BMP2K: variants seen among roughly 807,000 people sequenced by gnomAD.
BMP2K encodes the protein BMP2 inducible kinase, also known as BMP-2-inducible protein kinase.
A neutral mutation model predicts 116.0 loss-of-function variants in BMP2K; 74 were observed. The observed-to-expected ratio is 0.64, with a 90% CI of 0.53 to 0.77. BMP2K has a LOEUF of 0.77. Among genes scored for constraint, BMP2K ranks in the 30% least tolerant of loss-of-function variants. BMP2K has a pLI of 0.00. For synonymous variants in BMP2K, 486 were observed against 502.5 expected (o/e 0.97, Z 0.44); for missense variants, 1,365 against 1,403.6 (o/e 0.97, Z 0.44).
chr4:78,838,054 C>G (rs145975096), intron 3 of BMP2K, among the ~76,000 whole-genome samples: 8 of 152,328 alleles, frequency 5.3e-5, no homozygotes, highest in Non-Finnish European at 1.0e-4. Context: ...TTTAATTGGA[C>G]TTACAGTTCC....
At chr4:78,812,003 C>T (rs1171512824) in intron 1 of BMP2K, among the ~76,000 whole-genome samples, 3 of 152,058 alleles carry the variant, frequency 2.0e-5, no homozygotes, top group South Asian at 2.1e-4. Flanking sequence ...GACAGAGTCT[C>T]GCTCTTATCA....
intron 15 of BMP2K, among the ~76,000 whole-genome samples, chr4:78,891,144 T>C (rs1733416445): frequency 1.3e-5 from 2 of 152,212 alleles, no homozygotes; most frequent in Admixed American, 1.3e-4. Flanking sequence ...GATATAATTT[T>C]CCCTGTGAGT....
intron 1 of BMP2K, among the ~76,000 whole-genome samples, chr4:78,791,380 CA>C (rs1408083715): frequency 1.3e-5 from 2 of 152,172 alleles, no homozygotes; most frequent in East Asian, 3.8e-4. Flanking sequence ...TAACACTAAT[CA>C]AGGGTAGTGA....
intron 2 of BMP2K, among the ~76,000 whole-genome samples, chr4:78,828,874 G>C (rs1730010750): frequency 6.6e-6 from 1 of 152,234 alleles, no homozygotes. Context: ...GCTGCTGACT[G>C]ATCAGGGTAG....
At chr4:78,819,282 T>C (rs1729505410) in intron 1 of BMP2K, among the ~76,000 whole-genome samples, 1 of 152,128 alleles carries the variant, frequency 6.6e-6, no homozygotes, top group Non-Finnish European at 1.5e-5. Flanking sequence ...ATTACAGGTG[T>C]GATCTTAGGC....
chr4:78,911,099 C>T lies in BMP2K; in HGVS notation c.2552C>T (p.Pro851Leu). Residue 851 changes from proline (P) to leucine (L), a missense_variant, in exon 16 of 16, where the codon CCC becomes CTC. Pro to Leu is a moderately conservative substitution (Grantham distance 98). Around this residue, in one of 3 missense-constraint regions of BMP2K, gnomAD observed 596 missense variants for 623.2 expected, o/e 0.96. Coordinates refer to ENST00000502613, the MANE Select transcript of BMP2K (RefSeq NM_198892.2). Reference sequence around the variant, plus strand: ...TCCTCTGATGTTGCAGTGGAGACTCCCAAACAGGAGTTTGATGTATTTGGC... The same window carrying T: ...TCCTCTGATGTTGCAGTGGAGACTCTCAAACAGGAGTTTGATGTATTTGGC... ...QLSSDVAVET[P>L]KQEFDVFGAV... is the part of the protein sequence containing the mutation. The T allele has an allele frequency of 6.2e-7, 1 of 1,613,938 alleles. No homozygotes were observed. The highest frequency in any genetic ancestry group is 8.5e-7 in the Non-Finnish European group (1 of 1,179,876).
In BMP2K at chr4:78,805,614, C is replaced by T. The variant is rs1728778211; in HGVS notation, c.179-20423C>T. On this transcript the variant is annotated intron_variant, in intron 1 of 15. Coordinates refer to ENST00000502613, the MANE Select transcript of BMP2K (RefSeq NM_198892.2). ...ACTAAATATTTTATTATTTCTGATA[C>T]CTTTGTCAATAGAAGTGTTTTCTTA... is the stretch of plus-strand genomic sequence containing the variant. Among the ~76,000 whole-genome samples the T allele has an allele frequency of 2.0e-5, 3 of 152,170 alleles. No individual in the cohort carries two copies. The South Asian group carries it at 6.2e-4, about 32-fold the overall frequency.
intron 10 of BMP2K, among the ~76,000 whole-genome samples, chr4:78,868,218 T>C (rs1244696340): frequency 6.6e-6 from 1 of 152,104 alleles, no homozygotes; most frequent in Non-Finnish European, 1.5e-5. Flanking sequence ...CTCAGAATCA[T>C]GGCGGGTGGT....
intron 15 of BMP2K, among the ~76,000 whole-genome samples, chr4:78,890,465 T>C (rs1260140608): frequency 6.6e-6 from 1 of 151,840 alleles, no homozygotes; most frequent in East Asian, 1.9e-4. Context: ...TTTGACACAG[T>C]TTTTGGTTGA....
chr4:78,786,956 G>A (rs1041453123), intron 1 of BMP2K, among the ~76,000 whole-genome samples: 7 of 151,744 alleles, frequency 4.6e-5, no homozygotes, highest in Admixed American at 6.6e-5. Context: ...ATCTTGTTAC[G>A]TTATCCAGGC....
intron 1 of BMP2K, among the ~76,000 whole-genome samples, chr4:78,803,417 T>A (rs1252592859): frequency 6.6e-6 from 1 of 151,858 alleles, no homozygotes; most frequent in African/African-American, 2.4e-5. Context: ...TTGGGGGGGA[T>A]CAGAGTCTTG....
chr4:78,782,230 A>G (rs535198325), intron 1 of BMP2K, among the ~76,000 whole-genome samples: 5 of 152,092 alleles, frequency 3.3e-5, no homozygotes, highest in East Asian at 3.9e-4. Flanking sequence ...ACTTGTAACT[A>G]TTTGCTTTTT....
intron 1 of BMP2K, among the ~76,000 whole-genome samples, chr4:78,787,451 G>T (rs1727782337): frequency 6.6e-6 from 1 of 152,148 alleles, no homozygotes; most frequent in African/African-American, 2.4e-5. Context: ...AAATGTTCTA[G>T]CCTGAATTCC....
intron 7 of BMP2K, among the ~76,000 whole-genome samples, chr4:78,858,802 A>G (rs1202239108): frequency 6.6e-6 from 1 of 151,956 alleles, no homozygotes; most frequent in Admixed American, 6.6e-5. Flanking sequence ...AAGCAGAGGT[A>G]GACTTTGAGA....
At chr4:78,873,740 GAC>G (rs1466903345) in intron 13 of BMP2K, among the ~76,000 whole-genome samples, 4 of 151,956 alleles carry the variant, frequency 2.6e-5, no homozygotes, top group African/African-American at 7.3e-5. Flanking sequence ...ATGTGCAAGA[GAC>G]AGATGGTGGG....
At chr4:78,901,092 G>A (rs1577975727) in intron 15 of BMP2K, among the ~76,000 whole-genome samples, 1 of 152,258 alleles carries the variant, frequency 6.6e-6, no homozygotes, top group Admixed American at 6.5e-5. Context: ...GCCCAGGCTG[G>A]AGTGCAGTGG....
intron 3 of BMP2K, among the ~76,000 whole-genome samples, chr4:78,835,569 C>T (rs1730432962): frequency 7.0e-6 from 1 of 143,300 alleles, no homozygotes; most frequent in Admixed American, 7.5e-5. Flanking sequence ...GTGGAGCTTG[C>T]AATGAGCCGA....
rs1236264159 is a variant in BMP2K, at chr4:78,844,914, T to G, written c.547-14T>G. 1 of 1,583,684 alleles carries G rather than the reference T, an allele frequency of 6.3e-7. No homozygotes were observed. Among genetic ancestry groups the G allele is most frequent in the African/African-American group, 1.4e-5 (1 of 73,888 alleles). On this transcript the variant is annotated splice_polypyrimidine_tract_variant and intron_variant, in intron 4 of 15. Coordinates refer to ENST00000502613, the MANE Select transcript of BMP2K (RefSeq NM_198892.2). ...TTTGAAAATACTACTCATTATTGAT[T>G]TTCTTTTCTTAAGGTAGAAAATATT...
rs114694590 is a variant in BMP2K, at chr4:78,876,465, C to T, written c.1794-2269C>T. On this transcript the variant is annotated intron_variant, in intron 13 of 15. Coordinates refer to ENST00000502613, the MANE Select transcript of BMP2K (RefSeq NM_198892.2). ...TAGGTAACTTACTATTTATTTTCCT[C>T]TGTTATATGCTAGCCTTCAGTAAGT... Among the ~76,000 whole-genome samples the T allele has an allele frequency of 3.9e-3, 597 of 152,294 alleles. 2 individuals are homozygous for T. Among genetic ancestry groups the T allele is most frequent in the African/African-American group, 0.014 (570 of 41,558 alleles).
Sources: allele counts gnomAD v4.1 joint callset (sites outside exome capture counted in the v4.1 genomes callset), GRCh38; gene constraint gnomAD v4.1.1; regional missense constraint gnomAD v4.1.1; transcripts MANE v1.5; gene names NCBI Gene and HGNC (gene_info 2026-07-23, HGNC 2026-07-21).